The following SERPINB12 variants were observed in gnomAD, a reference collection of about 807,000 sequenced individuals.
SERPINB12 encodes serpin B12.
A neutral mutation model predicts 41.1 loss-of-function variants in SERPINB12; 57 were observed. The ratio of observed to expected loss-of-function variants is 1.39; its 90% CI spans 1.12 to 1.73. SERPINB12 has a LOEUF of 1.73. Among genes scored for constraint, SERPINB12 ranks in the 40% most tolerant of loss-of-function variants. The pLI, the probability that SERPINB12 is intolerant of heterozygous loss-of-function variation, is 0.00. For synonymous variants in SERPINB12, 180 were observed against 181.3 expected (o/e 0.99, Z 0.06); for missense variants, 536 against 501.9 (o/e 1.07, Z -0.65).
chr18:63,564,120 G>T lies in SERPINB12; in HGVS notation c.705G>T (p.Ala235=), dbSNP rs1014451613. ...TGGATGCACCTTTCTGTCTAAATGC[G>T]GTAGTGTATCAGAACTCATGGTTTT... ...NTVDAPFCLN[A]NENKSVKMMT... Residue 235 remains alanine, a splice_region_variant and synonymous_variant, in exon 6 of 8, where the codon GCG becomes GCT. Transcript: ENST00000382768. 4 of 1,610,988 alleles carry T rather than the reference G, an allele frequency of 2.5e-6. No individual in the cohort carries two copies. Among genetic ancestry groups the T allele is most frequent in the African/African-American group, 1.3e-5 (1 of 74,724 alleles).
intron 1 of SERPINB12, among the ~76,000 whole-genome samples, chr18:63,554,745 C>G (rs1327817426): frequency 6.6e-6 from 1 of 152,168 alleles, no homozygotes; most frequent in Admixed American, 6.5e-5. Flanking sequence ...TCTACACTGT[C>G]AAAGAGGACA....
intron 1 of SERPINB12, among the ~76,000 whole-genome samples, chr18:63,543,400 A>G (rs1910315290): frequency 6.6e-6 from 1 of 152,088 alleles, no homozygotes; most frequent in Admixed American, 6.6e-5. Context: ...TAATGTAGAG[A>G]TAATCACTTT....
At chr18:63,554,553 T>A (rs922047426) in intron 1 of SERPINB12, among the ~76,000 whole-genome samples, 1 of 152,198 alleles carries the variant, frequency 6.6e-6, no homozygotes, top group Non-Finnish European at 1.5e-5. Context: ...TACATTTCTA[T>A]CTTGGAAATA....
At chr18:63,531,482 A>T in the SERPINB12 span, among the ~76,000 whole-genome samples, 1 of 152,192 alleles carries the variant, frequency 6.6e-6, no homozygotes, top group Admixed American at 6.5e-5. Context: ...TAAGAGTAGG[A>T]AAGATACGGG....
intron 1 of SERPINB12, among the ~76,000 whole-genome samples, chr18:63,543,243 G>A (rs903206730): frequency 3.9e-5 from 6 of 152,154 alleles, no homozygotes; most frequent in African/African-American, 1.2e-4. Flanking sequence ...TAGTTGGACT[G>A]TAAGCTCCTA....
At chr18:63,553,442 G>A (rs761635378) in intron 1 of SERPINB12, among the ~76,000 whole-genome samples, 1 of 152,174 alleles carries the variant, frequency 6.6e-6, no homozygotes, top group Non-Finnish European at 1.5e-5. Flanking sequence ...GCAAGACTCT[G>A]ATCATTCAGT....
Position 63,551,255 on chromosome 18 carries a change from C to T in SERPINB12, c.-18-4887C>T, listed in dbSNP as rs963383371. Among the ~76,000 whole-genome samples, 7 of 151,282 alleles carry T rather than the reference C, an allele frequency of 4.6e-5. No individual in the cohort carries two copies. In the South Asian group the frequency reaches 6.3e-4, roughly 14 times the overall value. ...CTGCACTCCAACCTGGGCGACAGAG[C>T]GAGACTCCATCTCAAACAAACAAAC... On this transcript the variant is annotated intron_variant, in intron 1 of 7. Transcript: ENST00000382768.
intron 2 of SERPINB12, 146 bp downstream of exon 2, chr18:63,556,473 T>C: frequency 1.7e-6 from 1 of 602,316 alleles, no homozygotes; most frequent in Non-Finnish European, 2.8e-6. Context: ...TCTTTATTTG[T>C]ATTTTCTCCA....
intron 6 of SERPINB12, among the ~76,000 whole-genome samples, 196 bp from the exon 7 acceptor site, chr18:63,565,249 A>G (rs1311432796): frequency 6.6e-6 from 1 of 152,154 alleles, no homozygotes; most frequent in Non-Finnish European, 1.5e-5. Flanking sequence ...AAAGACACGG[A>G]AAGATAAAGT....
At chr18:63,531,396 T>C in the SERPINB12 span, among the ~76,000 whole-genome samples, 1 of 152,180 alleles carries the variant, frequency 6.6e-6, no homozygotes, top group Non-Finnish European at 1.5e-5. Context: ...CACAGAGCAA[T>C]TTTTACTATC....
At chr18:63,542,248 T>A (rs180904919), upstream of SERPINB12, among the ~76,000 whole-genome samples, 71 of 152,314 alleles carry the variant, frequency 4.7e-4, no homozygotes, top group African/African-American at 1.7e-3. Context: ...GTAGAGATAA[T>A]CACTTTAACT....
chr18:63,527,596 C>G, the SERPINB12 span, among the ~76,000 whole-genome samples: 2 of 152,144 alleles, frequency 1.3e-5, no homozygotes, highest in East Asian at 3.9e-4. Flanking sequence ...ATACTGGGAG[C>G]TTCTATCTGC....
At chr18:63,559,451 A>G in intron 3 of SERPINB12, 127 bp from the exon 4 acceptor site, 1 of 914,304 alleles carries the variant, frequency 1.1e-6, no homozygotes, top group South Asian at 1.7e-5. Flanking sequence ...CCAGCATGGT[A>G]ACAGAGACAG....
the SERPINB12 span, among the ~76,000 whole-genome samples, chr18:63,536,492 C>T: frequency 1.3e-5 from 2 of 152,052 alleles, no homozygotes; most frequent in African/African-American, 2.4e-5. Context: ...AAGGTGATTC[C>T]ACTTTTTGCC....
the SERPINB12 span, among the ~76,000 whole-genome samples, chr18:63,529,342 A>C: frequency 6.6e-6 from 1 of 152,190 alleles, no homozygotes; most frequent in African/African-American, 2.4e-5. Context: ...AGATGCCCCC[A>C]ACGAAGTGTT....
At chr18:63,561,301 G>C in intron 5 of SERPINB12, 99 bp downstream of exon 5, 1 of 715,428 alleles carries the variant, frequency 1.4e-6, no homozygotes, top group South Asian at 1.7e-5. Context: ...GGGGGCCAGA[G>C]GTTCACATAT....
the SERPINB12 span, among the ~76,000 whole-genome samples, chr18:63,532,505 T>C: frequency 3.3e-5 from 5 of 152,100 alleles, no homozygotes; most frequent in African/African-American, 1.2e-4. Flanking sequence ...ATTAAGGAAG[T>C]GGGTATTATG....
the SERPINB12 span, among the ~76,000 whole-genome samples, chr18:63,525,809 G>A: frequency 7.9e-5 from 12 of 152,064 alleles, no homozygotes; most frequent in African/African-American, 2.9e-4. Flanking sequence ...TAAATATCAG[G>A]CATTTATCAC....
intron 4 of SERPINB12, among the ~76,000 whole-genome samples, chr18:63,560,355 C>T (rs758286889): frequency 5.3e-5 from 8 of 152,148 alleles, no homozygotes; most frequent in East Asian, 1.9e-4. Context: ...ATGGCAAAGA[C>T]GTGACATGGT....
Sources: gnomAD v4.1 joint callset for allele counts (sites outside exome capture counted in the v4.1 genomes callset) on GRCh38, gnomAD v4.1.1 for gene constraint, MANE v1.5 for transcripts, NCBI Gene and HGNC (gene_info 2026-07-23, HGNC 2026-07-21) for gene names.